Variants in NRG3 observed in about 807,000 individuals in gnomAD.
NRG3 encodes the protein neuregulin 3.
Under a neutral mutation model 66.9 loss-of-function variants are expected in NRG3, and 31 were observed. The ratio of observed to expected loss-of-function variants is 0.46; its 90% confidence interval spans 0.35 to 0.63. The LOEUF is 0.63. NRG3 is among the 20% of genes least tolerant of loss of function. NRG3 has a pLI of 0.00. For missense variants in NRG3, 910 were observed against 878.9 expected (o/e 1.04, Z -0.45); for synonymous variants, 393 against 359.4 (o/e 1.09, Z -1.06).
chr10:82,625,314 T>C (rs1196228569), intron 2 of NRG3, among the ~76,000 whole-genome samples: 1 of 151,932 alleles, frequency 6.6e-6, no homozygotes, highest in Non-Finnish European at 1.5e-5. Context: ...AAAAAAATGA[T>C]CACAAATCAC....
chr10:82,667,863 A>G (rs1157858211), intron 2 of NRG3, among the ~76,000 whole-genome samples: 2 of 152,208 alleles, frequency 1.3e-5, no homozygotes, highest in Admixed American at 6.5e-5. Context: ...ATGTTTATAC[A>G]TATGTATGCA....
At chr10:82,553,034 A>AC (rs2044422756) in intron 2 of NRG3, among the ~76,000 whole-genome samples, 2 of 146,572 alleles carry the variant, frequency 1.4e-5, no homozygotes, top group African/African-American at 5.0e-5. Flanking sequence ...ATCACACACA[A>AC]ACACACACAC....
chr10:81,991,062 A>G (rs1375309339), intron 1 of NRG3, among the ~76,000 whole-genome samples: 1 of 152,134 alleles, frequency 6.6e-6, no homozygotes, highest in Non-Finnish European at 1.5e-5. Context: ...ATGCAAAAGG[A>G]AGGCACATCA....
At chr10:81,928,011 T>G (rs1846978273) in intron 1 of NRG3, among the ~76,000 whole-genome samples, 1 of 152,172 alleles carries the variant, frequency 6.6e-6, no homozygotes, top group Non-Finnish European at 1.5e-5. Context: ...TACATATGGA[T>G]TCATAGTTGT....
At chr10:82,426,651 G>C (rs2089470349) in intron 2 of NRG3, among the ~76,000 whole-genome samples, 1 of 143,502 alleles carries the variant, frequency 7.0e-6, no homozygotes, top group African/African-American at 2.6e-5. Context: ...TTATTATTTT[G>C]AGACAGGGTC....
chr10:82,005,900 TG>T (rs2061362000), intron 1 of NRG3, among the ~76,000 whole-genome samples: 2 of 140,214 alleles, frequency 1.4e-5, no homozygotes, highest in African/African-American at 6.3e-5. Context: ...GTGTATTTTG[TG>T]TGTGTGTGTG....
chr10:82,176,894 CACACACACACAA>C (rs1402874566), intron 1 of NRG3, among the ~76,000 whole-genome samples: 9 of 151,138 alleles, frequency 6.0e-5, no homozygotes, highest in Middle Eastern at 3.2e-3. Flanking sequence ...CACACACACA[CACACACACACAA>C]ACACACACAC....
chr10:81,946,068 G>C (rs1848817454), intron 1 of NRG3, among the ~76,000 whole-genome samples: 1 of 152,074 alleles, frequency 6.6e-6, no homozygotes, highest in Admixed American at 6.6e-5. Flanking sequence ...CCAGGCTGGA[G>C]TGCAATGGTG....
intron 2 of NRG3, among the ~76,000 whole-genome samples, chr10:82,580,930 TG>T (rs1590752274): frequency 6.7e-6 from 1 of 148,572 alleles, no homozygotes; most frequent in East Asian, 2.0e-4. Flanking sequence ...TGTGTGTGTG[TG>T]TGTGTGTACA....
intron 2 of NRG3, among the ~76,000 whole-genome samples, chr10:82,577,400 G>A (rs976130969): frequency 6.6e-6 from 1 of 151,560 alleles, no homozygotes; most frequent in African/African-American, 2.4e-5. Context: ...ATAGGAATAA[G>A]AACAAATTTT....
At chr10:82,785,901 T>G (rs1250081608) in intron 3 of NRG3, among the ~76,000 whole-genome samples, 4 of 152,196 alleles carry the variant, frequency 2.6e-5, no homozygotes, top group African/African-American at 9.7e-5. Context: ...CACCAGGTTC[T>G]GTTTGTCAAG....
At chr10:82,782,686 T>G (rs2060168259) in intron 3 of NRG3, among the ~76,000 whole-genome samples, 1 of 151,864 alleles carries the variant, frequency 6.6e-6, no homozygotes, top group Non-Finnish European at 1.5e-5. Flanking sequence ...GCAATTCTGG[T>G]GAGGGCTTAG....
intron 2 of NRG3, among the ~76,000 whole-genome samples, chr10:82,457,710 C>T (rs1239637365): frequency 6.6e-6 from 1 of 152,160 alleles, no homozygotes. Context: ...CATAATTCAG[C>T]ACACACTGGG....
intron 2 of NRG3, among the ~76,000 whole-genome samples, chr10:82,717,084 C>T (rs1365884560): frequency 6.6e-6 from 1 of 152,066 alleles, no homozygotes; most frequent in Non-Finnish European, 1.5e-5. Context: ...TTCTGTACCA[C>T]TTATTCCCAA....
At chr10:82,926,111 A>G (rs1846970304) in intron 4 of NRG3, among the ~76,000 whole-genome samples, 1 of 152,218 alleles carries the variant, frequency 6.6e-6, no homozygotes, top group Non-Finnish European at 1.5e-5. Flanking sequence ...TGGATAGAAA[A>G]TATTTGGAAA....
chr10:82,946,212 A>T (rs989540790), intron 4 of NRG3, among the ~76,000 whole-genome samples: 18 of 126,830 alleles, frequency 1.4e-4, no homozygotes, highest in Middle Eastern at 4.3e-3. Context: ...TTTGAGATTT[A>T]AAAAAAAAAA....
intron 1 of NRG3, among the ~76,000 whole-genome samples, chr10:82,028,230 G>C (rs999563164): frequency 4.6e-5 from 7 of 152,006 alleles, no homozygotes; most frequent in African/African-American, 7.2e-5. Flanking sequence ...CCATGCCTAG[G>C]AAACACTGAA....
At chr10:81,922,454 CTA>C (rs1846345947) in intron 1 of NRG3, among the ~76,000 whole-genome samples, 1 of 152,296 alleles carries the variant, frequency 6.6e-6, no homozygotes, top group Middle Eastern at 3.4e-3. Context: ...ATTCCACACT[CTA>C]TGTGCATATG....
At chr10:82,277,095 C>G (rs1472182754) in intron 1 of NRG3, among the ~76,000 whole-genome samples, 1 of 151,928 alleles carries the variant, frequency 6.6e-6, no homozygotes, top group African/African-American at 2.4e-5. Context: ...TTTTTACTTT[C>G]TTTCATGTCA....
Sources: allele counts gnomAD v4.1 joint callset (sites outside exome capture counted in the v4.1 genomes callset), GRCh38; gene constraint gnomAD v4.1.1; transcripts MANE v1.5; gene names NCBI Gene and HGNC (gene_info 2026-07-23, HGNC 2026-07-21).